Variants in PRIMPOL observed in about 807,000 individuals in gnomAD.
The protein encoded by PRIMPOL is primase and DNA directed polymerase.
A neutral mutation model predicts 63.6 loss-of-function variants in PRIMPOL; 54 were observed. That is an observed-to-expected ratio of 0.85 (90% CI 0.68 to 1.07). PRIMPOL has a LOEUF of 1.07. PRIMPOL is among the 50% of genes least tolerant of loss of function. PRIMPOL has a pLI of 0.00. For synonymous variants in PRIMPOL, 197 were observed against 220.2 expected, an observed-to-expected ratio of 0.89 and a Z score of 0.93; for missense variants, 610 against 648.3, an observed-to-expected ratio of 0.94 and a Z score of 0.64.
chr4:184,682,179 T>C (rs1755793047), intron 8 of PRIMPOL, 69 bp from the exon 9 acceptor site: 2 of 768,038 alleles, frequency 2.6e-6, no homozygotes, highest in African/African-American at 1.7e-5. Flanking sequence ...TTCAGTGTCC[T>C]TTCTGTAGCC....
rs1754350496 is a variant in PRIMPOL, at chr4:184,677,269, T to C, written c.845-963T>C. 2.0e-5 allele frequency among the ~76,000 whole-genome samples: 3 copies of C among 151,966 alleles called. 1 individual carries two copies. In the South Asian group the frequency reaches 6.2e-4, roughly 32 times the overall value. ...AAGCCACTGCACCTGGCGTGGCTTT[T>C]ATGTTTAGATCTACAGTCCACTTGG... On this transcript the variant is annotated intron_variant, in intron 7 of 13. Transcript: ENST00000314970.
chr4:184,661,932 T>TTCTG (rs1553990446), intron 5 of PRIMPOL, 29 bp downstream of exon 5: 10 of 1,399,590 alleles, frequency 7.1e-6, no homozygotes, highest in East Asian at 2.6e-5. Flanking sequence ...TTTTTCTTAT[T>TTCTG]TCTATCCATC....
chr4:184,689,749 C>T (rs2696038), intron 11 of PRIMPOL, among the ~76,000 whole-genome samples: 117,958 of 151,708 alleles, frequency 0.78, 46,773 homozygotes, highest in East Asian at 0.99. Context: ...CCACCATGCC[C>T]GGCCTGATGT....
intron 9 of PRIMPOL, among the ~76,000 whole-genome samples, chr4:184,684,410 C>T (rs1466735494): frequency 2.7e-5 from 4 of 150,698 alleles, no homozygotes; most frequent in South Asian, 2.1e-4. Flanking sequence ...GAGCCGAGAT[C>T]GCGCCACTGC....
chr4:184,694,456 T>G (rs772236166), intron 13 of PRIMPOL, 66 bp from the exon 14 acceptor site: 4 of 1,552,036 alleles, frequency 2.6e-6, no homozygotes, highest in Non-Finnish European at 3.5e-6. Context: ...AGTATAAGGT[T>G]AAATCACATA....
At chr4:184,650,784 G>C (rs1405937) in intron 1 of PRIMPOL, among the ~76,000 whole-genome samples, 44,094 of 152,084 alleles carry the variant, frequency 0.29, 8,315 homozygotes, top group East Asian at 0.71. Flanking sequence ...CCCCATGGCA[G>C]AGCCTGTTTC....
At chr4:184,687,111 C>T (rs1220681451) in intron 11 of PRIMPOL, among the ~76,000 whole-genome samples, 1 of 152,138 alleles carries the variant, frequency 6.6e-6, no homozygotes, top group Non-Finnish European at 1.5e-5. Context: ...CACTCCGTTG[C>T]CCAGGCTGGA....
intron 6 of PRIMPOL, among the ~76,000 whole-genome samples, chr4:184,670,527 T>C (rs1321920249): frequency 6.6e-6 from 1 of 152,050 alleles, no homozygotes; most frequent in African/African-American, 2.4e-5. Flanking sequence ...TGGATTTGTT[T>C]CTTTGAGTAG....
intron 5 of PRIMPOL, among the ~76,000 whole-genome samples, chr4:184,662,524 G>A (rs1366525839): frequency 3.3e-5 from 5 of 152,034 alleles, no homozygotes; most frequent in Non-Finnish European, 4.4e-5. Flanking sequence ...CTAATAAAAG[G>A]AATAGCATGG....
chr4:184,661,965 G>C, intron 5 of PRIMPOL, 62 bp downstream of exon 5: 1 of 1,482,740 alleles, frequency 6.7e-7, no homozygotes, highest in African/African-American at 1.4e-5. Context: ...TATTCATTCA[G>C]TGAATTCAGC....
Position 184,663,179 on chromosome 4 carries a change from G to T in PRIMPOL, c.408+1276G>T, listed in dbSNP as rs373322225. ...CCTGCCTCAGCCTCCCGAGTAGCTG[G>T]GATTACAGGTGTGTGCCACCATACC... On this transcript the variant is annotated intron_variant, in intron 5 of 13. Coordinates refer to ENST00000314970, the MANE Select transcript of PRIMPOL (RefSeq NM_152683.4). 6.6e-4 allele frequency among the ~76,000 whole-genome samples: 100 copies of T among 151,892 alleles called. No individual in the cohort carries two copies. In the South Asian group the frequency reaches 7.5e-3, roughly 11 times the overall value.
chr4:184,678,910 T>G (rs1754846041), intron 8 of PRIMPOL, among the ~76,000 whole-genome samples: 1 of 152,164 alleles, frequency 6.6e-6, no homozygotes, highest in Non-Finnish European at 1.5e-5. Context: ...AACACTTAAT[T>G]TTCTCTATAT....
At chr4:184,674,691 A>G (rs1326155058) in intron 7 of PRIMPOL, among the ~76,000 whole-genome samples, 1 of 152,248 alleles carries the variant, frequency 6.6e-6, no homozygotes, top group Non-Finnish European at 1.5e-5. Flanking sequence ...CATGTTTTGT[A>G]TACGTATTAT....
In PRIMPOL at chr4:184,668,879, CTAA is replaced by C. The variant is rs1314011522; in HGVS notation, c.556+2821_556+2823del. On this transcript the variant is annotated intron_variant, in intron 6 of 13. Coordinates refer to ENST00000314970, the MANE Select transcript of PRIMPOL (RefSeq NM_152683.4). ...AAAAATATCATTATCAATAATATTA[CTAA>C]TAATATTATTAATTACTAATATTAT... Among the ~76,000 whole-genome samples the C allele has an allele frequency of 5.3e-5, 8 of 150,980 alleles. No homozygotes were observed. In the East Asian group the frequency reaches 1.6e-3, roughly 29 times the overall value.
rs1749418800 is a variant in PRIMPOL at position 184,664,915 on chromosome 4, C to A, written c.409-1002C>A. ...GATGTAGAGAGGGAAATCAAGGAAGCCCTCTCTGAGAAAGAATTTACAGAA... is the reference window on the plus strand; with the variant it reads ...GATGTAGAGAGGGAAATCAAGGAAGACCTCTCTGAGAAAGAATTTACAGAA... On this transcript the variant is annotated intron_variant, in intron 5 of 13. Coordinates refer to ENST00000314970, the MANE Select transcript of PRIMPOL (RefSeq NM_152683.4). 3.9e-5 allele frequency among the ~76,000 whole-genome samples: 6 copies of A among 152,170 alleles called. 1 individual carries two copies. The South Asian group carries it at 1.2e-3, about 32-fold the overall frequency.
At chr4:184,691,476 T>C (rs759603331) in intron 11 of PRIMPOL, 23 bp from the exon 12 acceptor site, 4 of 1,108,138 alleles carry the variant, frequency 3.6e-6, no homozygotes, top group African/African-American at 3.4e-5. Context: ...ATTAATACTT[T>C]TTTTTTTTTT....
intron 11 of PRIMPOL, chr4:184,691,276 C>T (rs1408835764): frequency 2.2e-6 from 1 of 459,982 alleles, no homozygotes; most frequent in Non-Finnish European, 3.8e-6. Context: ...TTACATCTTC[C>T]TGGGGGAACT....
chr4:184,683,151 C>G (rs966607598), intron 9 of PRIMPOL, among the ~76,000 whole-genome samples: 1 of 152,220 alleles, frequency 6.6e-6, no homozygotes, highest in Non-Finnish European at 1.5e-5. Flanking sequence ...GTATTATTCA[C>G]TGGGCGTGGT....
rs369725610 is a variant in PRIMPOL, at chr4:184,691,766, G to C, written c.1425+54G>C. The C allele has an allele frequency of 3.7e-6, 5 of 1,361,374 alleles. No individual in the cohort carries two copies. The African/African-American group carries it at 7.2e-5, about 20-fold the overall frequency. The allele number at this position is 1,361,374 out of a possible 1,614,324, so 84.3% of individuals were successfully genotyped here. On this transcript the variant is annotated intron_variant, in intron 13 of 13. Coordinates refer to ENST00000314970, the MANE Select transcript of PRIMPOL (RefSeq NM_152683.4). The stretch of plus-strand genomic sequence containing the variant: ...TTACCAGGGAGTTCTTGGTACAATA[G>C]TATACCTGAGCCATGAGTAGTGTCC...
Sources: allele counts gnomAD v4.1 joint callset (sites outside exome capture counted in the v4.1 genomes callset), GRCh38; gene constraint gnomAD v4.1.1; transcripts MANE v1.5; gene names NCBI Gene and HGNC (gene_info 2026-07-23, HGNC 2026-07-21).